The following PDCL2 variants were observed in gnomAD, a reference collection of about 807,000 sequenced individuals.
PDCL2 encodes the protein phosducin-like protein 2.
In PDCL2, 23 loss-of-function variants were observed where a neutral mutation model predicts 30.3. The observed-to-expected ratio is 0.76, with a 90% CI of 0.55 to 1.08. The LOEUF is 1.08. Ranked by LOEUF, PDCL2 falls within the 50% of genes least tolerant of loss-of-function variation. The probability of loss-of-function intolerance (pLI) is 0.00; values close to 1 mark genes in which losing one functional copy is unlikely to be tolerated. For missense variants in PDCL2, 243 were observed against 282.3 expected (o/e 0.86, Z 1.00); for synonymous variants, 68 against 86.2 (o/e 0.79, Z 1.17).
chr4:55,557,671 T>G (rs1184020397), intron 5 of PDCL2, among the ~76,000 whole-genome samples: 1 of 151,980 alleles, frequency 6.6e-6, no homozygotes, highest in African/African-American at 2.4e-5. Context: ...AAGACATACA[T>G]TCTATCCCAG....
intron 3 of PDCL2, among the ~76,000 whole-genome samples, chr4:55,571,580 G>A (rs953075940): frequency 1.2e-4 from 8 of 65,902 alleles, no homozygotes; most frequent in African/African-American, 6.4e-4. Flanking sequence ...CCAGCTACTC[G>A]GGAGGCTGAG....
At chr4:55,584,149 T>C (rs924244100) in intron 1 of PDCL2, among the ~76,000 whole-genome samples, 1 of 152,242 alleles carries the variant, frequency 6.6e-6, no homozygotes, top group South Asian at 2.1e-4. Flanking sequence ...CCTAAGTATT[T>C]ACTTTTTTGT....
chr4:55,564,248 T>A (rs527842077), intron 4 of PDCL2, among the ~76,000 whole-genome samples: 1 of 152,234 alleles, frequency 6.6e-6, no homozygotes, highest in Non-Finnish European at 1.5e-5. Context: ...GTCAGTAGTG[T>A]GAATGGCAGA....
At chr4:55,580,736 C>G in intron 3 of PDCL2, 85 bp downstream of exon 3, 1 of 975,614 alleles carries the variant, frequency 1.0e-6, no homozygotes, top group Non-Finnish European at 1.4e-6. Context: ...TTTGTAAAAT[C>G]TATGTGACAA....
At position 55,556,527 on chromosome 4, in the gene PDCL2, T is replaced by C. The variant is rs1379005648; in HGVS notation, c.*30A>G. ...ATAAGTAAAACATTCAGTACACATATACTAAAAGCTATTTATTGAATATTT... is the reference window on the plus strand; with the variant it reads ...ATAAGTAAAACATTCAGTACACATACACTAAAAGCTATTTATTGAATATTT... On this transcript the variant is annotated 3_prime_UTR_variant, in exon 6 of 6. Coordinates refer to ENST00000295645, the MANE Select transcript of PDCL2 (RefSeq NM_152401.3). 2.8e-6 allele frequency: 4 copies of C among 1,429,504 alleles called. No individual in the cohort carries two copies. The highest frequency in any genetic ancestry group is 1.4e-5 in the African/African-American group (1 of 69,644). The allele number at this position is 1,429,504 out of a possible 1,614,324, so 88.6% of individuals were successfully genotyped here.
At chr4:55,562,812 C>G (rs945456360) in intron 4 of PDCL2, among the ~76,000 whole-genome samples, 200 bp from the exon 5 acceptor site, 5 of 151,844 alleles carry the variant, frequency 3.3e-5, no homozygotes, top group Non-Finnish European at 5.9e-5. Flanking sequence ...ACCATTATAA[C>G]CCGGGAATGA....
At chr4:55,579,043 T>C (rs1732640604) in intron 3 of PDCL2, among the ~76,000 whole-genome samples, 1 of 152,218 alleles carries the variant, frequency 6.6e-6, no homozygotes, top group Admixed American at 6.5e-5. Flanking sequence ...TTAAGTTATT[T>C]ATTTATATCA....
chr4:55,577,806 A>G (rs978899278), intron 3 of PDCL2, among the ~76,000 whole-genome samples: 1 of 152,146 alleles, frequency 6.6e-6, no homozygotes, highest in Admixed American at 6.6e-5. Context: ...GTCTTTGTCT[A>G]GTAAGTCTGA....
At chr4:55,570,402 TA>T (rs1409062740) in intron 3 of PDCL2, among the ~76,000 whole-genome samples, 1 of 152,212 alleles carries the variant, frequency 6.6e-6, no homozygotes, top group Non-Finnish European at 1.5e-5. Context: ...AATATAGATT[TA>T]TTATAGACAG....
rs73817207 is a variant in PDCL2, at chr4:55,592,135, C to A, written c.-26G>T. On this transcript the variant is annotated 5_prime_UTR_variant, in exon 1 of 6. Transcript: ENST00000295645. ...GATGCGCTGCTCTGCCCCTCAAGAG[C>A]CCGCGTCGTCCTGCAGCTGGCGAGG... 90,413 of 1,607,494 alleles carry A rather than the reference C, an allele frequency of 0.056. 3,279 individuals are homozygous for A. The highest frequency in any genetic ancestry group is 0.16 in the South Asian group (14,280 of 89,244).
At chr4:55,572,205 A>AGTT (rs1397619052) in intron 3 of PDCL2, among the ~76,000 whole-genome samples, 3 of 152,226 alleles carry the variant, frequency 2.0e-5, no homozygotes, top group African/African-American at 7.2e-5. Context: ...CAAGCCTATC[A>AGTT]GTTGGGATTC....
chr4:55,560,537 C>G (rs937638228), intron 5 of PDCL2, among the ~76,000 whole-genome samples: 1 of 152,054 alleles, frequency 6.6e-6, no homozygotes, highest in African/African-American at 2.4e-5. Flanking sequence ...ATTACTTGAG[C>G]CTGAGAAGTC....
At chr4:55,578,134 G>A (rs1460917496) in intron 3 of PDCL2, among the ~76,000 whole-genome samples, 4 of 152,140 alleles carry the variant, frequency 2.6e-5, no homozygotes, top group East Asian at 1.9e-4. Context: ...AGCACAGTTT[G>A]TTTTGAATCT....
chr4:55,591,503 C>CAG (rs1329398626), intron 1 of PDCL2, among the ~76,000 whole-genome samples: 1 of 152,240 alleles, frequency 6.6e-6, no homozygotes. Flanking sequence ...TCTCCTGCTT[C>CAG]AGCCTCCCAG....
At chr4:55,588,811 G>A (rs552839523) in intron 1 of PDCL2, among the ~76,000 whole-genome samples, 1 of 151,940 alleles carries the variant, frequency 6.6e-6, no homozygotes, top group East Asian at 1.9e-4. Context: ...TTTATTTCAA[G>A]GCTTTCTATT....
chr4:55,568,629 G>A (rs1732330728), intron 4 of PDCL2, among the ~76,000 whole-genome samples: 1 of 152,124 alleles, frequency 6.6e-6, no homozygotes, highest in Admixed American at 6.5e-5. Flanking sequence ...CGTTCTTGAA[G>A]GGATTCATAG....
At chr4:55,564,696 A>C (rs1272676649) in intron 4 of PDCL2, among the ~76,000 whole-genome samples, 1 of 152,218 alleles carries the variant, frequency 6.6e-6, no homozygotes, top group African/African-American at 2.4e-5. Flanking sequence ...CTAAGCCTTC[A>C]TTCCGATAAA....
At chr4:55,586,680 G>A (rs768045691) in intron 1 of PDCL2, among the ~76,000 whole-genome samples, 2 of 152,054 alleles carry the variant, frequency 1.3e-5, no homozygotes, top group Non-Finnish European at 2.9e-5. Context: ...CAATTCTTTT[G>A]GGTACATACC....
chr4:55,562,415 A>C lies in PDCL2; in HGVS notation c.560T>G (p.Leu187Arg), dbSNP rs766350054. ...IGIIECGGIN[L>R]KLEELEWKLA... is the part of the protein sequence containing the mutation. ...ATTTGTAACATTACCTTCCAGCTTG[A>C]GATTTATCCCTCCACATTCTATAAT... Residue 187 changes from leucine (L) to arginine (R), a missense_variant, in exon 5 of 6, where the codon CTC becomes CGC. Coordinates refer to ENST00000295645, the MANE Select transcript of PDCL2 (RefSeq NM_152401.3). 70 of 1,403,956 alleles carry C rather than the reference A, an allele frequency of 5.0e-5. No individual in the cohort carries two copies. The highest frequency in any genetic ancestry group is 6.4e-5 in the Non-Finnish European group (69 of 1,071,488). 87.0% of individuals were successfully genotyped at this position (1,403,956 alleles called of 1,614,324 possible).
Sources: allele counts gnomAD v4.1 joint callset (sites outside exome capture counted in the v4.1 genomes callset), GRCh38; gene constraint gnomAD v4.1.1; transcripts MANE v1.5; gene names NCBI Gene and HGNC (gene_info 2026-07-23, HGNC 2026-07-21).